Variants in GRID1 observed in about 807,000 individuals in gnomAD.
GRID1 encodes the protein glutamate receptor ionotropic, delta-1.
Under a neutral mutation model 98.0 loss-of-function variants are expected in GRID1, and 28 were observed. The ratio of observed to expected loss-of-function variants is 0.29; its 90% confidence interval spans 0.21 to 0.39. The LOEUF is 0.39. GRID1 is among the 10% of genes least tolerant of loss of function. GRID1 has a pLI of 1.00. For synonymous variants in GRID1, 553 were observed against 538.5 expected (o/e 1.03, Z -0.37); for missense variants, 1,111 against 1,340.5 (o/e 0.83, Z 2.67).
At chr10:86,012,725 T>C (rs1842935197) in intron 4 of GRID1, among the ~76,000 whole-genome samples, 1 of 152,104 alleles carries the variant, frequency 6.6e-6, no homozygotes, top group Non-Finnish European at 1.5e-5. Context: ...TGAGAGCTTT[T>C]TTACCCCTTC....
chr10:85,857,338 C>A (rs1201971120), intron 6 of GRID1, among the ~76,000 whole-genome samples: 1 of 152,288 alleles, frequency 6.6e-6, no homozygotes, highest in Non-Finnish European at 1.5e-5. Context: ...GGGCCCAACC[C>A]ATGTGTGGGG....
At chr10:86,189,811 C>T (rs1845775837) in intron 3 of GRID1, among the ~76,000 whole-genome samples, 1 of 152,286 alleles carries the variant, frequency 6.6e-6, no homozygotes, top group African/African-American at 2.4e-5. Context: ...CAAATGTCCC[C>T]GGGGCCAGAG....
intron 8 of GRID1, among the ~76,000 whole-genome samples, chr10:85,765,090 C>T (rs1369715363): frequency 1.3e-5 from 2 of 152,082 alleles, no homozygotes; most frequent in Non-Finnish European, 2.9e-5. Flanking sequence ...ATTTAATCCT[C>T]AAAACAACCC....
chr10:85,766,372 G>A (rs1842197958), intron 8 of GRID1, among the ~76,000 whole-genome samples: 1 of 152,180 alleles, frequency 6.6e-6, no homozygotes, highest in Non-Finnish European at 1.5e-5. Flanking sequence ...TGTTGTCACA[G>A]TTACTTAGGA....
intron 4 of GRID1, among the ~76,000 whole-genome samples, chr10:86,046,782 G>A (rs2131902698): frequency 6.8e-6 from 1 of 148,014 alleles, no homozygotes; most frequent in South Asian, 2.1e-4. Context: ...CACAACTTTT[G>A]ATCACTTATG....
At chr10:86,148,232 C>T (rs181891750) in intron 3 of GRID1, among the ~76,000 whole-genome samples, 20 of 152,296 alleles carry the variant, frequency 1.3e-4, no homozygotes, top group African/African-American at 4.6e-4. Context: ...GGTCACCAGC[C>T]GATGGATGGA....
chr10:85,823,808 T>C (rs1842794746), intron 8 of GRID1, among the ~76,000 whole-genome samples: 1 of 152,128 alleles, frequency 6.6e-6, no homozygotes, highest in African/African-American at 2.4e-5. Context: ...GAAAGTAGAA[T>C]AATACCTTTT....
chr10:86,286,138 A>AT (rs1264886946), intron 2 of GRID1, among the ~76,000 whole-genome samples: 1 of 152,162 alleles, frequency 6.6e-6, no homozygotes, highest in African/African-American at 2.4e-5. Context: ...AGGTATAGGT[A>AT]TAGGTAGAGA....
At chr10:86,353,406 G>A (rs1848488267) in intron 2 of GRID1, among the ~76,000 whole-genome samples, 1 of 152,236 alleles carries the variant, frequency 6.6e-6, no homozygotes, top group African/African-American at 2.4e-5. Context: ...CAGTCTCCTT[G>A]TGTATGTATG....
At chr10:86,004,042 CAG>C (rs1270958919) in intron 4 of GRID1, among the ~76,000 whole-genome samples, 1 of 152,200 alleles carries the variant, frequency 6.6e-6, no homozygotes, top group Admixed American at 6.5e-5. Context: ...ATCCAATCAA[CAG>C]ATAATCCTCA....
intron 5 of GRID1, among the ~76,000 whole-genome samples, chr10:85,909,443 C>G (rs1406306326): frequency 6.6e-6 from 1 of 152,172 alleles, no homozygotes; most frequent in African/African-American, 2.4e-5. Flanking sequence ...AAGACTTATA[C>G]ATAAATGTTC....
intron 8 of GRID1, among the ~76,000 whole-genome samples, chr10:85,794,628 A>G (rs1434445885): frequency 6.6e-6 from 1 of 152,236 alleles, no homozygotes; most frequent in Non-Finnish European, 1.5e-5. Context: ...GTTTCTCTCA[A>G]TCTACCTTTG....
chr10:86,357,449 A>C (rs1290501392), intron 2 of GRID1, among the ~76,000 whole-genome samples: 2 of 152,170 alleles, frequency 1.3e-5, no homozygotes, highest in East Asian at 3.9e-4. Flanking sequence ...CCAACCTCCC[A>C]ATCTAGAGGG....
chr10:85,866,012 G>C (rs985484676), intron 6 of GRID1, among the ~76,000 whole-genome samples: 3 of 134,630 alleles, frequency 2.2e-5, no homozygotes, highest in Non-Finnish European at 3.1e-5. Flanking sequence ...TCTAGGGTCA[G>C]TTTAACTTGT....
Position 86,206,332 on chromosome 10 carries a change from A to C in GRID1, c.520+32T>G. ...CAGCATCTGGCCATCCCTGTCCCCA[A>C]GCAGCCCCAGCTCGCCTGCCGGACA... On this transcript the variant is annotated intron_variant, in intron 3 of 15. Transcript: ENST00000327946. The surrounding 1 kb of genome is among the most constrained non-coding windows in gnomAD (Gnocchi z 4.1). 2 of 1,563,506 alleles carry C rather than the reference A, an allele frequency of 1.3e-6. No homozygotes were observed. The highest frequency in any genetic ancestry group is 1.7e-6 in the Non-Finnish European group (2 of 1,151,912).
intron 12 of GRID1, among the ~76,000 whole-genome samples, chr10:85,666,260 C>A (rs1365045762): frequency 1.3e-5 from 2 of 152,172 alleles, no homozygotes; most frequent in Admixed American, 1.3e-4. Flanking sequence ...TATTGAAAAC[C>A]AGGTTTGACT....
intron 12 of GRID1, among the ~76,000 whole-genome samples, chr10:85,657,965 C>T (rs547634927): frequency 1.3e-5 from 2 of 152,338 alleles, no homozygotes; most frequent in South Asian, 2.1e-4. Flanking sequence ...GCTCTCAACA[C>T]CCGCAAATAT....
At chr10:85,654,012 G>A (rs1442001975) in intron 12 of GRID1, among the ~76,000 whole-genome samples, 1 of 152,238 alleles carries the variant, frequency 6.6e-6, no homozygotes, top group African/African-American at 2.4e-5. Flanking sequence ...CCTAGTCGGT[G>A]TGATTCTGAG....
chr10:85,606,159 T>A (rs1049803711), intron 15 of GRID1: 2 of 152,240 alleles, frequency 1.3e-5, no homozygotes, highest in African/African-American at 4.8e-5. Flanking sequence ...TACTCACATT[T>A]TTTTTTGCTT....
Sources: gnomAD v4.1 joint callset for allele counts (sites outside exome capture counted in the v4.1 genomes callset) on GRCh38, gnomAD v4.1.1 for gene constraint, Gnocchi (gnomAD v3.1) non-coding constraint, MANE v1.5 for transcripts, NCBI Gene and HGNC (gene_info 2026-07-23, HGNC 2026-07-21) for gene names.